SMC6: variants seen among roughly 807,000 people sequenced by gnomAD.
SMC6 encodes structural maintenance of chromosomes protein 6.
A neutral mutation model predicts 142.2 loss-of-function variants in SMC6; 79 were observed. That is an observed-to-expected ratio of 0.56 (90% confidence interval 0.46 to 0.67). The LOEUF (loss-of-function observed/expected upper bound fraction) is 0.67. Among genes scored for constraint, SMC6 ranks in the 30% least tolerant of loss-of-function variants. The pLI, the probability that SMC6 is intolerant of heterozygous loss-of-function variation, is 0.00. For missense variants in SMC6, 1,072 were observed against 1,284.0 expected (o/e 0.83, Z 2.52); for synonymous variants, 411 against 412.4 (o/e 1.00, Z 0.04).
At position 17,678,869 on chromosome 2, in the gene SMC6, A is replaced by AC; in HGVS notation, c.2899_2900insG (p.Leu967ArgfsTer12). On this transcript the variant is annotated frameshift_variant, in exon 25 of 28. Transcript: ENST00000448223. LOFTEE classifies it high-confidence loss of function. ...AATTAGGATACTTACTGATATACTT[A>AC]GAGTTTCATTCTTGTGGTCAAAATT... 1 of 1,596,788 alleles carries AC rather than the reference A, an allele frequency of 6.3e-7. No homozygotes were observed. The highest frequency in any genetic ancestry group is 8.6e-7 in the Non-Finnish European group (1 of 1,165,704).
chr2:17,692,365 C>T (rs371529867), intron 23 of SMC6, among the ~76,000 whole-genome samples: 29 of 152,202 alleles, frequency 1.9e-4, no homozygotes, highest in African/African-American at 6.7e-4. Flanking sequence ...GAGATATAGA[C>T]CAATGGAACA....
chr2:17,702,585 A>T (rs543604632), intron 19 of SMC6, among the ~76,000 whole-genome samples: 1 of 152,166 alleles, frequency 6.6e-6, no homozygotes, highest in African/African-American at 2.4e-5. Context: ...ATGAATTGAT[A>T]TGGTTTGGCT....
intron 18 of SMC6, among the ~76,000 whole-genome samples, chr2:17,706,465 T>G (rs1668513677): frequency 6.6e-6 from 1 of 152,098 alleles, no homozygotes; most frequent in Non-Finnish European, 1.5e-5. Flanking sequence ...AGAAATCTAT[T>G]TCAACAAAAC....
At chr2:17,687,604 A>G (rs1667517842) in intron 23 of SMC6, among the ~76,000 whole-genome samples, 1 of 152,208 alleles carries the variant, frequency 6.6e-6, no homozygotes. Flanking sequence ...CATGAAAGAT[A>G]GAAAATAAAA....
At chr2:17,744,064 G>C (rs139342675) in intron 3 of SMC6, among the ~76,000 whole-genome samples, 2 of 152,158 alleles carry the variant, frequency 1.3e-5, no homozygotes, top group Non-Finnish European at 1.5e-5. Context: ...TCATGTGGAC[G>C]TAAGTTTTCA....
intron 25 of SMC6, among the ~76,000 whole-genome samples, chr2:17,677,694 T>TTTG (rs1667060579): frequency 1.3e-5 from 2 of 152,164 alleles, no homozygotes; most frequent in Admixed American, 6.6e-5. Context: ...CTACCTTCCC[T>TTTG]ATCAATAAGC....
At chr2:17,675,208 G>C (rs1666946007) in intron 25 of SMC6, among the ~76,000 whole-genome samples, 1 of 151,988 alleles carries the variant, frequency 6.6e-6, no homozygotes, top group African/African-American at 2.4e-5. Flanking sequence ...ATGTATTGCT[G>C]ATGTATTAGT....
At chr2:17,709,649 G>A (rs1228164344) in intron 16 of SMC6, among the ~76,000 whole-genome samples, 1 of 152,086 alleles carries the variant, frequency 6.6e-6, no homozygotes, top group African/African-American at 2.4e-5. Flanking sequence ...AGAGGATAAA[G>A]GGAGCAGTAT....
chr2:17,739,752 G>A (rs949057722), intron 4 of SMC6, among the ~76,000 whole-genome samples: 15 of 152,020 alleles, frequency 9.9e-5, no homozygotes, highest in Admixed American at 7.2e-4. Flanking sequence ...GTTCAAGGCT[G>A]CAATGAGCTA....
intron 5 of SMC6, 144 bp from the exon 6 acceptor site, chr2:17,732,021 G>A (rs1669936027): frequency 4.3e-6 from 3 of 703,360 alleles, no homozygotes; most frequent in Non-Finnish European, 7.0e-6. Flanking sequence ...AGCTGACACT[G>A]ATTGTTCACT....
At chr2:17,693,805 G>A (rs1022748381) in intron 23 of SMC6, among the ~76,000 whole-genome samples, 5 of 151,940 alleles carry the variant, frequency 3.3e-5, no homozygotes, top group African/African-American at 1.2e-4. Context: ...AGATCAGCCT[G>A]ACCAATATGA....
At chr2:17,722,670 T>C (rs144060780) in intron 9 of SMC6, among the ~76,000 whole-genome samples, 5 of 152,260 alleles carry the variant, frequency 3.3e-5, no homozygotes, top group Admixed American at 2.6e-4. Context: ...GTGAGTTTTG[T>C]CAATTCATGT....
chr2:17,745,030 CA>C (rs1263055856), intron 3 of SMC6, among the ~76,000 whole-genome samples: 4 of 152,320 alleles, frequency 2.6e-5, no homozygotes, highest in African/African-American at 9.6e-5. Context: ...ACTTCAGCAT[CA>C]GTGGATTTTG....
rs369375763 is a variant in SMC6, at chr2:17,741,725, G to T, written c.125C>A (p.Ala42Glu). The change falls in exon 4 of 28, where the codon GCA (alanine) becomes GAA (glutamate). Residue 42 changes from alanine (A) to glutamate (E), a missense_variant. Ala to Glu is a moderately radical substitution (Grantham distance 107, BLOSUM62 -1). Coordinates refer to ENST00000448223, the MANE Select transcript of SMC6 (RefSeq NM_001142286.2). ...EDECKGTTLT[A>E]AEVGIIESIH... Reference sequence around the variant, plus strand: ...ACTCTCAATTATTCCAACTTCTGCTGCAGTCTATTAATAAAAAACAATGGG... The same window carrying T: ...ACTCTCAATTATTCCAACTTCTGCTTCAGTCTATTAATAAAAAACAATGGG... 1.9e-6 allele frequency: 3 copies of T among 1,594,652 alleles called. No homozygotes were observed. The highest frequency in any genetic ancestry group is 2.6e-6 in the Non-Finnish European group (3 of 1,167,368).
At position 17,738,214 on chromosome 2, in the gene SMC6, CACTT is replaced by C. The variant is rs1670251112; in HGVS notation, c.344+3_344+6del. 1.9e-6 allele frequency: 3 copies of C among 1,589,632 alleles called. No homozygotes were observed. Among genetic ancestry groups the C allele is most frequent in the Non-Finnish European group, 2.6e-6 (3 of 1,160,724 alleles). On this transcript the variant is annotated splice_donor_5th_base_variant and intron_variant, in intron 5 of 27. Coordinates refer to ENST00000448223, the MANE Select transcript of SMC6 (RefSeq NM_001142286.2). ...TTGAAAATAGATGGTAGAAAGCAAA[CACTT>C]ACTTCTGTCCATCTTTCACAAAACC...
intron 25 of SMC6, among the ~76,000 whole-genome samples, chr2:17,671,417 G>A (rs1239313120): frequency 6.8e-6 from 1 of 146,120 alleles, no homozygotes; most frequent in African/African-American, 2.5e-5. Flanking sequence ...GGGCAACATG[G>A]GGAAACCTCA....
intron 23 of SMC6, among the ~76,000 whole-genome samples, chr2:17,689,383 A>T (rs1223521715): frequency 6.6e-6 from 1 of 152,226 alleles, no homozygotes; most frequent in African/African-American, 2.4e-5. Context: ...TTGGAACTGG[A>T]CTACAGGTAT....
At chr2:17,677,237 T>C (rs1667032013) in intron 25 of SMC6, among the ~76,000 whole-genome samples, 1 of 152,078 alleles carries the variant, frequency 6.6e-6, no homozygotes, top group African/African-American at 2.4e-5. Flanking sequence ...CCCCTTTCCT[T>C]ATATTAGGCT....
intron 3 of SMC6, among the ~76,000 whole-genome samples, chr2:17,741,935 A>G (rs1048454303): frequency 5.3e-5 from 8 of 152,236 alleles, no homozygotes; most frequent in Non-Finnish European, 1.2e-4. Context: ...AAAGGATTTA[A>G]AAGTATATCA....
Sources: allele counts gnomAD v4.1 joint callset (sites outside exome capture counted in the v4.1 genomes callset), GRCh38; gene constraint gnomAD v4.1.1; transcripts MANE v1.5; gene names NCBI Gene and HGNC (gene_info 2026-07-23, HGNC 2026-07-21).